SCUBE2: variants seen among roughly 807,000 people sequenced by gnomAD.
SCUBE2 encodes the protein signal peptide, CUB domain and EGF like domain containing 2.
SCUBE2 carries 114 observed loss-of-function variants against 125.9 expected under a neutral mutation model. The ratio of observed to expected loss-of-function variants is 0.91; its 90% confidence interval spans 0.78 to 1.06. The LOEUF (loss-of-function observed/expected upper bound fraction) is 1.06, where lower values mean the gene tolerates loss of function less well. Ranked by LOEUF, SCUBE2 falls within the 50% of genes least tolerant of loss-of-function variation. The pLI is 0.00. For synonymous variants in SCUBE2, 459 were observed against 492.9 expected, an observed-to-expected ratio of 0.93 and a Z score of 0.91; for missense variants, 1,255 against 1,301.8, an observed-to-expected ratio of 0.96 and a Z score of 0.55.
At chr11:9,080,777 G>A (rs1580789) in intron 2 of SCUBE2, among the ~76,000 whole-genome samples, 128,046 of 152,038 alleles carry the variant, frequency 0.84, 58,180 homozygotes, top group East Asian at 1. Flanking sequence ...TCAAAATTAA[G>A]AACTTTTGCT....
Position 9,053,625 on chromosome 11 carries a change from G to C in SCUBE2, c.1330+12C>G. ...AGCCTGCTGTCTGAGTCTGTGCCTCGGTTCCCCTTACCCACACAGTCTTTT... is the reference window on the plus strand; with the variant it reads ...AGCCTGCTGTCTGAGTCTGTGCCTCCGTTCCCCTTACCCACACAGTCTTTT... On this transcript the variant is annotated intron_variant, in intron 11 of 22. Transcript: ENST00000649792. 3 of 1,613,390 alleles carry C rather than the reference G, an allele frequency of 1.9e-6. No homozygotes were observed. The highest frequency in any genetic ancestry group is 2.5e-6 in the Non-Finnish European group (3 of 1,179,686).
At chr11:9,058,425 G>A (rs1439333976) in intron 9 of SCUBE2, among the ~76,000 whole-genome samples, 5 of 151,746 alleles carry the variant, frequency 3.3e-5, no homozygotes, top group African/African-American at 7.3e-5. Flanking sequence ...GGGAAACCCC[G>A]TCTCTACTAA....
In SCUBE2 at chr11:9,047,404, G is replaced by A. The variant is rs1487107099; in HGVS notation, c.1954C>T (p.Gln652Ter). The A allele has an allele frequency of 2.5e-6, 4 of 1,614,164 alleles. No individual in the cohort carries two copies. The South Asian group carries it at 3.3e-5, about 13-fold the overall frequency. The change falls in exon 16 of 23, where the codon CAG (glutamine) becomes TAG (stop). Residue 652 changes from glutamine (Q) to a stop codon, truncating the protein, a stop_gained. Transcript: ENST00000649792. LOFTEE classifies it high-confidence loss of function. ...TGGCCCACTCCACAGGACTCTGCCT[G>A]GCGTTCAGATGTTCTGGGAGGCTTT... ...AKKPPRTSER[Q>*]AESCGVGQGH...
chr11:9,033,649 G>A lies in SCUBE2; in HGVS notation c.2150C>T (p.Ala717Val), dbSNP rs1455756128. The A allele has an allele frequency of 2.5e-6, 4 of 1,614,042 alleles. No individual in the cohort carries two copies. Among genetic ancestry groups the A allele is most frequent in the Admixed American group, 1.7e-5 (1 of 60,000 alleles). ...ACCTCCACATTCAGACATATTCCAA[G>A]CTTCTGGGGTCTTCAGGGCCCCAGA... The part of the protein sequence containing the change: ...GNSGALKTPE[A>V]WNMSECGGLC... Residue 717 changes from alanine (A) to valine (V), a missense_variant, in exon 17 of 23, where the codon GCT (alanine) becomes GTT (valine). Physicochemically the swap from Ala to Val is moderately conservative, Grantham distance 64. Around this residue, in one of 3 missense-constraint regions of SCUBE2, gnomAD observed 515 missense variants for 515.7 expected, o/e 1.00. Transcript: ENST00000649792.
chr11:9,053,787 A>G lies in SCUBE2; in HGVS notation c.1208-28T>C, dbSNP rs549426891. On this transcript the variant is annotated intron_variant, in intron 10 of 22. Transcript: ENST00000649792. ...GTGGAACAAAATACTCTCCTGTCAT[A>G]GCAGCCTGTCACTGAATGGGCTGAC... 5 of 1,603,490 alleles carry G rather than the reference A, an allele frequency of 3.1e-6. No homozygotes were observed. In the African/African-American group the frequency reaches 6.7e-5, roughly 21 times the overall value.
chr11:9,088,907 G>A (rs953604212), intron 2 of SCUBE2, among the ~76,000 whole-genome samples: 9 of 152,216 alleles, frequency 5.9e-5, no homozygotes, highest in Non-Finnish European at 1.2e-4. Flanking sequence ...CAACTTGTGT[G>A]ATCATGGCCA....
chr11:9,058,921 C>A (rs1475219503), intron 9 of SCUBE2, among the ~76,000 whole-genome samples: 1 of 152,152 alleles, frequency 6.6e-6, no homozygotes, highest in Non-Finnish European at 1.5e-5. Flanking sequence ...ACAGACTTTG[C>A]CACCAACTTT....
At chr11:9,044,101 G>A (rs1303759369) in intron 16 of SCUBE2, among the ~76,000 whole-genome samples, 2 of 152,174 alleles carry the variant, frequency 1.3e-5, no homozygotes, top group African/African-American at 4.8e-5. Flanking sequence ...TTCACCAGTA[G>A]GGGTAGGGCT....
At chr11:9,083,711 TTTGTA>T (rs1322567773) in intron 2 of SCUBE2, among the ~76,000 whole-genome samples, 4 of 152,066 alleles carry the variant, frequency 2.6e-5, no homozygotes, top group Non-Finnish European at 5.9e-5. Context: ...TGCTGTAATT[TTTGTA>T]CTTTTAGTAG....
At chr11:9,022,195 C>T (rs554356129) in intron 21 of SCUBE2, among the ~76,000 whole-genome samples, 4 of 152,310 alleles carry the variant, frequency 2.6e-5, no homozygotes, top group African/African-American at 9.6e-5. Context: ...AGCCTCTGTG[C>T]ATCCAGTCCA....
intron 5 of SCUBE2, 82 bp downstream of exon 5, chr11:9,069,288 T>C: frequency 6.4e-7 from 1 of 1,567,718 alleles, no homozygotes; most frequent in East Asian, 2.3e-5. Context: ...TGCCATGAGG[T>C]GGTGCTTCTG....
chr11:9,091,480 G>A lies in SCUBE2; in HGVS notation c.49C>T (p.Leu17=). 8.1e-7 allele frequency: 1 copy of A among 1,240,834 alleles called. No individual in the cohort carries two copies. The allele number at this position is 1,240,834 out of a possible 1,614,324, so 76.9% of individuals were successfully genotyped here. A position where few individuals can be genotyped will look rare whatever the true frequency, so the allele number is the denominator to read the frequency against. ...AGTGGCGGCAGCAGCAGCAGCAGCAGCAGCACCGCCCAGGCCGCCCCGGGA... is the reference window on the plus strand; with the variant it reads ...AGTGGCGGCAGCAGCAGCAGCAGCAACAGCACCGCCCAGGCCGCCCCGGGA... ...NRPGAAWAVL[L]LLLLLPPLLL... Residue 17 remains leucine (L), a synonymous_variant, in exon 1 of 23, where the codon CTG becomes TTG. Coordinates refer to ENST00000649792, the MANE Select transcript of SCUBE2 (RefSeq NM_001367977.2). The surrounding 1 kb of genome is among the most constrained non-coding windows in gnomAD (Gnocchi z 8.5).
intron 13 of SCUBE2, among the ~76,000 whole-genome samples, chr11:9,051,887 C>T (rs1858454713): frequency 6.6e-6 from 1 of 152,154 alleles, no homozygotes; most frequent in African/African-American, 2.4e-5. Context: ...CGAAACAGAC[C>T]ATGATGTATG....
intron 16 of SCUBE2, among the ~76,000 whole-genome samples, chr11:9,044,529 G>C (rs1249478227): frequency 6.6e-6 from 1 of 152,126 alleles, no homozygotes; most frequent in African/African-American, 2.4e-5. Flanking sequence ...ACTGCACCCA[G>C]CCTATTTTTT....
Position 9,051,120 on chromosome 11 carries a change from AC to A in SCUBE2, c.1535-411del, listed in dbSNP as rs1437628656. Reference sequence around the variant, plus strand: ...AGAGGTTGCAGTGAGCTGAGATTGCACCACTGCACTCTAGCCTAGGCAACAG... The same window carrying A: ...AGAGGTTGCAGTGAGCTGAGATTGCACACTGCACTCTAGCCTAGGCAACAG... On this transcript the variant is annotated intron_variant, in intron 13 of 22. Coordinates refer to ENST00000649792, the MANE Select transcript of SCUBE2 (RefSeq NM_001367977.2). Among the ~76,000 whole-genome samples the A allele has an allele frequency of 2.6e-5, 4 of 152,238 alleles. No individual in the cohort carries two copies. The East Asian group carries it at 7.7e-4, about 29-fold the overall frequency.
intron 2 of SCUBE2, among the ~76,000 whole-genome samples, chr11:9,080,893 A>G (rs370084555): frequency 3.1e-4 from 47 of 152,346 alleles, no homozygotes; most frequent in African/African-American, 9.9e-4. Flanking sequence ...TTACAACTCA[A>G]TAAGAAGATA....
rs577139392 is a variant in SCUBE2 at position 9,090,901 on chromosome 11, G to C, written c.133+495C>G. On this transcript the variant is annotated intron_variant, in intron 1 of 22. Coordinates refer to ENST00000649792, the MANE Select transcript of SCUBE2 (RefSeq NM_001367977.2). The stretch of plus-strand genomic sequence containing the variant: ...AAACCTAGGCTTGTTGCTGCTTCAG[G>C]GTAATTCCCAGATCGGAACAGGCGC... 2.7e-3 allele frequency among the ~76,000 whole-genome samples: 412 copies of C among 152,322 alleles called. 1 individual carries two copies. The highest frequency in any genetic ancestry group is 9.3e-3 in the African/African-American group (385 of 41,574).
rs550179503 is a variant in SCUBE2 at position 9,029,169 on chromosome 11, A to T, written c.2503+715T>A. On this transcript the variant is annotated intron_variant, in intron 19 of 22. Coordinates refer to ENST00000649792, the MANE Select transcript of SCUBE2 (RefSeq NM_001367977.2). ...AATTTTGGTTATAAATAGTGGCTTTAAAAAAAAAGCCTAGACAGCAAGTCC... is the reference window on the plus strand; with the variant it reads ...AATTTTGGTTATAAATAGTGGCTTTTAAAAAAAAGCCTAGACAGCAAGTCC... Among the ~76,000 whole-genome samples the T allele has an allele frequency of 1.5e-3, 222 of 151,340 alleles. 1 individual carries two copies. Among genetic ancestry groups the T allele is most frequent in the African/African-American group, 5.0e-3 (206 of 41,294 alleles).
At chr11:9,045,606 GACAGACACACACACAC>G (rs1366564705) in intron 16 of SCUBE2, among the ~76,000 whole-genome samples, 10 of 115,160 alleles carry the variant, frequency 8.7e-5, no homozygotes, top group South Asian at 3.2e-4. Context: ...AAGACAGACA[GACAGACACACACACAC>G]ACACACACAC....
Sources: gnomAD v4.1 joint callset for allele counts (sites outside exome capture counted in the v4.1 genomes callset) on GRCh38, gnomAD v4.1.1 for gene constraint, gnomAD v4.1.1 regional missense constraint, Gnocchi (gnomAD v3.1) non-coding constraint, MANE v1.5 for transcripts, NCBI Gene and HGNC (gene_info 2026-07-23, HGNC 2026-07-21) for gene names.